The following SPOCK3 variants were observed in gnomAD, a reference collection of about 807,000 sequenced individuals.
The protein encoded by SPOCK3 is SPARC (osteonectin), cwcv and kazal like domains proteoglycan 3.
In SPOCK3, 30 loss-of-function variants were observed where a neutral mutation model predicts 56.6. The observed-to-expected ratio is 0.53, with a 90% CI of 0.40 to 0.72. SPOCK3 has a LOEUF of 0.72. Among genes scored for constraint, SPOCK3 ranks in the 30% least tolerant of loss-of-function variants. SPOCK3 has a pLI of 0.00. For missense variants in SPOCK3, 527 were observed against 530.0 expected (o/e 0.99, Z 0.06); for synonymous variants, 196 against 183.3 (o/e 1.07, Z -0.56).
At chr4:166,933,122 T>G (rs1429277693) in intron 4 of SPOCK3, among the ~76,000 whole-genome samples, 1 of 152,198 alleles carries the variant, frequency 6.6e-6, no homozygotes, top group African/African-American at 2.4e-5. Flanking sequence ...AATATTAAAA[T>G]GATGATACTA....
rs1743732868 is a variant in SPOCK3 at position 166,811,159 on chromosome 4, AC to A, written c.590-18871del. 3.3e-5 allele frequency among the ~76,000 whole-genome samples: 5 copies of A among 151,200 alleles called. No individual in the cohort carries two copies. The South Asian group carries it at 1.0e-3, about 32-fold the overall frequency. On this transcript the variant is annotated intron_variant, in intron 6 of 10. Transcript: ENST00000357545. ...TTCCCATTATCAATTGTTTTACCTAACTTTTGTCTTTTGTAATCCTCTGAAT... is the reference window on the plus strand; with the variant it reads ...TTCCCATTATCAATTGTTTTACCTAATTTTGTCTTTTGTAATCCTCTGAAT...
Position 167,000,473 on chromosome 4 carries a change from T to A in SPOCK3, c.236-10A>T, listed in dbSNP as rs1748838402. On this transcript the variant is annotated splice_polypyrimidine_tract_variant and intron_variant, in intron 3 of 10. Coordinates refer to ENST00000357545, the MANE Select transcript of SPOCK3 (RefSeq NM_001040159.2). ...TTAGCTGGATCTAAAGCTAAAAAAA[T>A]TGCAAAGAAAATATTAAAATAAGCT... 7.1e-6 allele frequency: 10 copies of A among 1,409,192 alleles called. No individual in the cohort carries two copies. The highest frequency in any genetic ancestry group is 9.9e-6 in the Non-Finnish European group (10 of 1,014,168). The allele number at this position is 1,409,192 out of a possible 1,614,324, so 87.3% of individuals were successfully genotyped here. A position where few individuals can be genotyped will look rare whatever the true frequency, so the allele number is the denominator to read the frequency against.
At chr4:166,736,298 TAA>T (rs576439993) in intron 10 of SPOCK3, among the ~76,000 whole-genome samples, 1 of 152,130 alleles carries the variant, frequency 6.6e-6, no homozygotes, top group Non-Finnish European at 1.5e-5. Flanking sequence ...ATTTACAACA[TAA>T]AAAAGTTATG....
In SPOCK3 at chr4:166,854,391, A is replaced by G. The variant is rs1043755041; in HGVS notation, c.589+34739T>C. ...CAATTGTCCAAATCCTGATTTAACT[A>G]ACAGATTATGTTTGGTACTGTTTGT... On this transcript the variant is annotated intron_variant, in intron 6 of 10. Coordinates refer to ENST00000357545, the MANE Select transcript of SPOCK3 (RefSeq NM_001040159.2). 4.6e-5 allele frequency among the ~76,000 whole-genome samples: 7 copies of G among 152,200 alleles called. 1 individual carries two copies. The highest frequency in any genetic ancestry group is 1.3e-4 in the Admixed American group (2 of 15,284).
chr4:167,020,879 G>A (rs978273609), intron 3 of SPOCK3, among the ~76,000 whole-genome samples: 1 of 152,028 alleles, frequency 6.6e-6, no homozygotes, highest in African/African-American at 2.4e-5. Context: ...AAATTGTTGG[G>A]ATAAAGTTGA....
rs1452836590 is a variant in SPOCK3, at chr4:167,097,463, C to T, written c.190-34926G>A. Among the ~76,000 whole-genome samples, 4 of 151,840 alleles carry T rather than the reference C, an allele frequency of 2.6e-5. No individual in the cohort carries two copies. In the South Asian group the frequency reaches 8.3e-4, roughly 31 times the overall value. Reference sequence around the variant, plus strand: ...TTACATTGCTTTTCACTGTAATCTACTATTATTATTCTACTGGAGTCTTAT... The same window carrying T: ...TTACATTGCTTTTCACTGTAATCTATTATTATTATTCTACTGGAGTCTTAT... On this transcript the variant is annotated intron_variant, in intron 2 of 10. Coordinates refer to ENST00000357545, the MANE Select transcript of SPOCK3 (RefSeq NM_001040159.2).
chr4:167,210,154 T>C (rs1178704752), intron 2 of SPOCK3, among the ~76,000 whole-genome samples: 1 of 152,192 alleles, frequency 6.6e-6, no homozygotes, highest in East Asian at 1.9e-4. Context: ...ACAATTTGTT[T>C]ACGCACATTT....
chr4:166,797,969 C>T (rs1742142941), intron 6 of SPOCK3, among the ~76,000 whole-genome samples: 1 of 152,042 alleles, frequency 6.6e-6, no homozygotes, highest in Admixed American at 6.6e-5. Flanking sequence ...ACATCATATA[C>T]AATGTTGCTC....
At chr4:167,077,455 CA>C (rs1441818283) in intron 2 of SPOCK3, among the ~76,000 whole-genome samples, 1 of 151,784 alleles carries the variant, frequency 6.6e-6, no homozygotes, top group Admixed American at 6.6e-5. Context: ...CTCAAACTAC[CA>C]GAACATTTTT....
At chr4:167,152,445 A>T (rs139938436) in intron 2 of SPOCK3, among the ~76,000 whole-genome samples, 28 of 152,162 alleles carry the variant, frequency 1.8e-4, no homozygotes, top group African/African-American at 5.3e-4. Context: ...TTCTCAGCTT[A>T]CTCAGGGTAG....
chr4:166,808,385 A>C (rs1579288533), intron 6 of SPOCK3, among the ~76,000 whole-genome samples: 3 of 151,984 alleles, frequency 2.0e-5, no homozygotes, highest in African/African-American at 7.2e-5. Context: ...ATTAAAGTTA[A>C]ATGAGGACAT....
At chr4:166,956,658 C>A (rs1743512731) in intron 4 of SPOCK3, among the ~76,000 whole-genome samples, 1 of 152,066 alleles carries the variant, frequency 6.6e-6, no homozygotes, top group African/African-American at 2.4e-5. Context: ...GAAAGCAGAA[C>A]CATAGGTAAG....
chr4:166,916,858 C>G (rs532283498), intron 4 of SPOCK3, among the ~76,000 whole-genome samples: 3 of 152,208 alleles, frequency 2.0e-5, no homozygotes, highest in Non-Finnish European at 4.4e-5. Context: ...TATGAAGATG[C>G]TTAGCAAAAG....
chr4:166,904,291 G>T (rs976889337), intron 5 of SPOCK3, among the ~76,000 whole-genome samples: 1 of 151,890 alleles, frequency 6.6e-6, no homozygotes, highest in Non-Finnish European at 1.5e-5. Flanking sequence ...AGAAGTTAAT[G>T]CATATAAAAA....
At chr4:167,214,493 C>A (rs939430945) in intron 2 of SPOCK3, among the ~76,000 whole-genome samples, 1 of 152,058 alleles carries the variant, frequency 6.6e-6, no homozygotes, top group African/African-American at 2.4e-5. Flanking sequence ...ATGACTACAA[C>A]TTCACATTAC....
intron 3 of SPOCK3, among the ~76,000 whole-genome samples, chr4:167,038,011 G>A (rs1022216243): frequency 3.3e-5 from 5 of 152,028 alleles, no homozygotes; most frequent in East Asian, 1.9e-4. Flanking sequence ...ATCAACATGC[G>A]CAATTTTCAG....
At chr4:166,992,412 T>C (rs1289210719) in intron 4 of SPOCK3, among the ~76,000 whole-genome samples, 1 of 152,208 alleles carries the variant, frequency 6.6e-6, no homozygotes, top group East Asian at 1.9e-4. Flanking sequence ...AATCATAGTT[T>C]TTCTCAGTTC....
chr4:166,789,884 T>C (rs1000673286), intron 7 of SPOCK3, among the ~76,000 whole-genome samples: 4 of 152,194 alleles, frequency 2.6e-5, no homozygotes, highest in Non-Finnish European at 5.9e-5. Flanking sequence ...ATATCTATTA[T>C]CTTATGTAAT....
intron 3 of SPOCK3, among the ~76,000 whole-genome samples, chr4:167,023,445 C>T (rs1425928666): frequency 2.0e-5 from 3 of 151,528 alleles, no homozygotes; most frequent in Non-Finnish European, 4.4e-5. Flanking sequence ...AGACTTGGAT[C>T]ATCACACTAG....
Sources: allele counts gnomAD v4.1 joint callset (sites outside exome capture counted in the v4.1 genomes callset), GRCh38; gene constraint gnomAD v4.1.1; transcripts MANE v1.5; gene names NCBI Gene and HGNC (gene_info 2026-07-23, HGNC 2026-07-21).